Variants in ZFHX4 observed in about 807,000 individuals in gnomAD.
The protein encoded by ZFHX4 is zinc finger homeobox protein 4.
A neutral mutation model predicts 267.6 loss-of-function variants in ZFHX4; 56 were observed. The ratio of observed to expected loss-of-function variants is 0.21; its 90% CI spans 0.17 to 0.26. The LOEUF is 0.26. Among genes scored for constraint, ZFHX4 ranks in the 10% least tolerant of loss-of-function variants. The pLI is 1.00. For missense variants in ZFHX4, 4,332 were observed against 4,420.0 expected, an observed-to-expected ratio of 0.98 and a Z score of 0.56; for synonymous variants, 1,778 against 1,665.6, an observed-to-expected ratio of 1.07 and a Z score of -1.64.
intron 3 of ZFHX4, among the ~76,000 whole-genome samples, chr8:76,739,043 G>C (rs1225190484): frequency 2.6e-5 from 4 of 151,930 alleles, no homozygotes; most frequent in Admixed American, 6.6e-5. Flanking sequence ...AATTCTTCTA[G>C]ACCCATGTAA....
At chr8:76,706,896 C>G (rs1403157756) in intron 2 of ZFHX4, among the ~76,000 whole-genome samples, 27 of 152,156 alleles carry the variant, frequency 1.8e-4, no homozygotes, top group Admixed American at 1.8e-3. Context: ...GCGGCATCAG[C>G]GAAGTTAGCA....
intron 4 of ZFHX4, among the ~76,000 whole-genome samples, chr8:76,804,463 A>G (rs1014059853): frequency 6.6e-5 from 10 of 152,142 alleles, no homozygotes; most frequent in Admixed American, 6.6e-4. Context: ...TACCATAAAT[A>G]CCTGAAAATA....
intron 3 of ZFHX4, among the ~76,000 whole-genome samples, chr8:76,715,548 C>T (rs1179771960): frequency 6.7e-6 from 1 of 149,548 alleles, no homozygotes; most frequent in Non-Finnish European, 1.5e-5. Context: ...CCATCCACCC[C>T]TTTAAATAAC....
chr8:76,863,292 A>G lies in ZFHX4; in HGVS notation c.9578A>G (p.Gln3193Arg). The G allele has an allele frequency of 6.2e-7, 1 of 1,613,006 alleles. No homozygotes were observed. The highest frequency in any genetic ancestry group is 8.5e-7 in the Non-Finnish European group (1 of 1,179,588). Residue 3193 changes from glutamine (Q) to arginine (R), a missense_variant, in exon 11 of 11, where the codon CAA (glutamine) becomes CGA (arginine). Physicochemically the swap from Gln to Arg is conservative, Grantham distance 43. Coordinates refer to ENST00000651372, the MANE Select transcript of ZFHX4 (RefSeq NM_024721.5). ...CAGAACAAAGAATCTGAGAAAAAGC[A>G]AACTAAGCCAAACAAGGTGAAAAAA... Reference protein sequence around the residue: ...EQQNKESEKKQTKPNKVKKIK... With the variant: ...EQQNKESEKKRTKPNKVKKIK...
intron 4 of ZFHX4, among the ~76,000 whole-genome samples, chr8:76,813,421 T>C (rs1811427854): frequency 6.6e-6 from 1 of 152,126 alleles, no homozygotes; most frequent in African/African-American, 2.4e-5. Context: ...CTCTTAGGTA[T>C]TTAGGTGATA....
Position 76,854,640 on chromosome 8 carries a change from G to A in ZFHX4, c.7719G>A (p.Thr2573=), listed in dbSNP as rs370865316. Residue 2573 remains threonine, a synonymous_variant, in exon 10 of 11, where the codon ACG becomes ACA. Coordinates refer to ENST00000651372, the MANE Select transcript of ZFHX4 (RefSeq NM_024721.5). ...CCTCCCACACCACAGCCCCCACAAC[G>A]GTTGCTGCTTCCCTAAAAAGGAAAC... ...ASSSHTTAPT[T]VAASLKRKLD... The A allele has an allele frequency of 6.2e-7, 1 of 1,613,590 alleles. No individual in the cohort carries two copies. The highest frequency in any genetic ancestry group is 8.5e-7 in the Non-Finnish European group (1 of 1,179,846).
intron 4 of ZFHX4, among the ~76,000 whole-genome samples, chr8:76,787,000 T>C (rs1810708930): frequency 6.6e-6 from 1 of 152,236 alleles, no homozygotes; most frequent in Non-Finnish European, 1.5e-5. Flanking sequence ...TCAAATTTGT[T>C]AACTCAGGGT....
Position 76,849,631 on chromosome 8 carries a change from C to T in ZFHX4, c.3765C>T (p.Leu1255=), listed in dbSNP as rs1331653982. ...VICCPLCQDV[L]SNKMHLQLHL... Reference sequence around the variant, plus strand: ...GCTGTCCTCTCTGTCAGGACGTCCTCAGCAACAAAATGCATCTCCAACTGC... The same window carrying T: ...GCTGTCCTCTCTGTCAGGACGTCCTTAGCAACAAAATGCATCTCCAACTGC... Residue 1255 remains leucine (L), a synonymous_variant, in exon 8 of 11, where the codon CTC becomes CTT. Coordinates refer to ENST00000651372, the MANE Select transcript of ZFHX4 (RefSeq NM_024721.5). 6.2e-7 allele frequency: 1 copy of T among 1,613,946 alleles called. No homozygotes were observed. Among genetic ancestry groups the T allele is most frequent in the Non-Finnish European group, 8.5e-7 (1 of 1,179,862 alleles).
At chr8:76,771,053 G>T (rs926922730) in intron 3 of ZFHX4, among the ~76,000 whole-genome samples, 1 of 152,108 alleles carries the variant, frequency 6.6e-6, no homozygotes, top group East Asian at 1.9e-4. Flanking sequence ...CTAGCCATAT[G>T]GTCATTCTAT....
At chr8:76,836,484 C>T (rs537168272) in intron 5 of ZFHX4, among the ~76,000 whole-genome samples, 78 of 152,100 alleles carry the variant, frequency 5.1e-4, no homozygotes, top group African/African-American at 7.9e-4. Flanking sequence ...GACAAGTGAG[C>T]CGAGTCCTGG....
At chr8:76,763,443 T>C (rs1809969012) in intron 3 of ZFHX4, among the ~76,000 whole-genome samples, 1 of 152,050 alleles carries the variant, frequency 6.6e-6, no homozygotes, top group Admixed American at 6.6e-5. Context: ...GGCAATGTGG[T>C]AAAACCCTGT....
intron 2 of ZFHX4, 65 bp downstream of exon 2, chr8:76,706,743 C>T (rs758244430): frequency 2.1e-6 from 3 of 1,444,310 alleles, no homozygotes; most frequent in Non-Finnish European, 2.7e-6. Context: ...TGGCGTGATG[C>T]ACCCAGATAA....
At chr8:76,695,699 T>C (rs1263592741) in intron 1 of ZFHX4, among the ~76,000 whole-genome samples, 1 of 152,242 alleles carries the variant, frequency 6.6e-6, no homozygotes, top group Non-Finnish European at 1.5e-5. Context: ...AATGTACCCA[T>C]ACAATCTTTT....
chr8:76,839,839 G>A (rs963280819), intron 5 of ZFHX4, among the ~76,000 whole-genome samples: 3 of 152,040 alleles, frequency 2.0e-5, no homozygotes, highest in Non-Finnish European at 4.4e-5. Flanking sequence ...AAGTTAGAAC[G>A]TAGCCACTCC....
Position 76,855,889 on chromosome 8 carries a change from A to C in ZFHX4, c.8968A>C (p.Asn2990His). The C allele has an allele frequency of 6.2e-7, 1 of 1,613,834 alleles. No homozygotes were observed. The highest frequency in any genetic ancestry group is 8.5e-7 in the Non-Finnish European group (1 of 1,179,838). Reference protein sequence around the residue: ...ARAKEKKFKINIGKPFMINQG... With the variant: ...ARAKEKKFKIHIGKPFMINQG... ...GGCAAAGGAAAAGAAATTTAAAATT[A>C]ACATAGGGAAGCCTTTCATGATCAA... The change falls in exon 10 of 11, where the codon AAC becomes CAC. Residue 2990 changes from asparagine (N) to histidine (H), a missense_variant. Asn to His is a moderately conservative substitution (Grantham distance 68). Transcript: ENST00000651372.
chr8:76,738,090 C>T (rs546295844), intron 3 of ZFHX4, among the ~76,000 whole-genome samples: 4 of 152,146 alleles, frequency 2.6e-5, no homozygotes, highest in Non-Finnish European at 5.9e-5. Flanking sequence ...TGAGCTAAGG[C>T]ATCACATGTA....
intron 4 of ZFHX4, among the ~76,000 whole-genome samples, chr8:76,787,638 T>TAA (rs748402870): frequency 3.9e-4 from 24 of 62,202 alleles, no homozygotes; most frequent in African/African-American, 9.1e-4. Context: ...CCATCTCCAC[T>TAA]AAAAAAAAAA....
intron 4 of ZFHX4, among the ~76,000 whole-genome samples, chr8:76,809,580 T>C (rs1254730954): frequency 6.6e-6 from 1 of 152,138 alleles, no homozygotes; most frequent in Non-Finnish European, 1.5e-5. Flanking sequence ...CCCTGAGAAA[T>C]AGTCTAAAAA....
intron 3 of ZFHX4, among the ~76,000 whole-genome samples, chr8:76,777,640 A>T (rs1470941687): frequency 2.0e-5 from 3 of 152,210 alleles, no homozygotes; most frequent in Non-Finnish European, 4.4e-5. Context: ...CAGCTGAAAT[A>T]GTCCCAGATT....
Sources: gnomAD v4.1 joint callset for allele counts (sites outside exome capture counted in the v4.1 genomes callset) on GRCh38, gnomAD v4.1.1 for gene constraint, MANE v1.5 for transcripts, NCBI Gene and HGNC (gene_info 2026-07-23, HGNC 2026-07-21) for gene names.